The following CMIP variants were observed in gnomAD, a reference collection of about 807,000 sequenced individuals.
The protein encoded by CMIP is c-Maf inducing protein, also known as C-Maf-inducing protein.
In CMIP, 13 loss-of-function variants were observed where a neutral mutation model predicts 97.3. The ratio of observed to expected loss-of-function variants is 0.13; its 90% CI spans 0.09 to 0.21. The LOEUF (loss-of-function observed/expected upper bound fraction) is 0.21, where lower values mean the gene tolerates loss of function less well. Ranked by LOEUF, CMIP falls within the 10% of genes least tolerant of loss-of-function variation. CMIP has a pLI of 1.00. For missense variants in CMIP, 847 were observed against 1,024.9 expected, an observed-to-expected ratio of 0.83 and a Z score of 2.37; for synonymous variants, 538 against 436.3, an observed-to-expected ratio of 1.23 and a Z score of -2.91.
At chr16:81,546,882 T>A (rs1342181710) in intron 1 of CMIP, among the ~76,000 whole-genome samples, 2 of 152,176 alleles carry the variant, frequency 1.3e-5, no homozygotes, top group Non-Finnish European at 2.9e-5. Flanking sequence ...CACACTTCAG[T>A]GCTCCGTAGC....
chr16:81,633,427 G>A (rs971819609), intron 3 of CMIP, among the ~76,000 whole-genome samples: 5 of 152,240 alleles, frequency 3.3e-5, no homozygotes, highest in African/African-American at 1.2e-4. Context: ...AAAAAGAGCA[G>A]TGCTTGTCCC....
At chr16:81,551,895 A>G (rs563859889) in intron 1 of CMIP, among the ~76,000 whole-genome samples, 1 of 151,704 alleles carries the variant, frequency 6.6e-6, no homozygotes, top group Admixed American at 6.6e-5. Context: ...TGTGACAAAG[A>G]CTCCCCGGTC....
intron 1 of CMIP, chr16:81,476,325 A>G: frequency 6.7e-7 from 1 of 1,494,666 alleles, no homozygotes; most frequent in Non-Finnish European, 9.3e-7. Context: ...GTGTGAAGTC[A>G]CCACCCTGAT....
intron 1 of CMIP, among the ~76,000 whole-genome samples, chr16:81,595,387 CTTTT>C (rs747169672): frequency 1.5e-5 from 2 of 137,682 alleles, no homozygotes; most frequent in Non-Finnish European, 1.6e-5. Context: ...TTCCTTCTTT[CTTTT>C]TTTTTTTTTT....
intron 3 of CMIP, among the ~76,000 whole-genome samples, chr16:81,641,923 C>G (rs2092311185): frequency 6.6e-6 from 1 of 152,186 alleles, no homozygotes; most frequent in Non-Finnish European, 1.5e-5. Flanking sequence ...GACCTGGATC[C>G]CAATTCTGCC....
At chr16:81,701,432 CA>C (rs1181927503) in intron 15 of CMIP, among the ~76,000 whole-genome samples, 12 of 152,186 alleles carry the variant, frequency 7.9e-5, no homozygotes, top group African/African-American at 2.9e-4. Flanking sequence ...GGGAGACTCC[CA>C]TGTCCATTGA....
In CMIP at chr16:81,652,982, G is replaced by C. The variant is rs551664355; in HGVS notation, c.639+618G>C. ...AGCCCCCTACCCCCCTGGAGCTTGT[G>C]TCCCGGCAGGGGAGACAGGCAGTGA... is the stretch of plus-strand genomic sequence containing the variant. On this transcript the variant is annotated intron_variant, in intron 4 of 20. Transcript: ENST00000537098. The surrounding 1 kb of genome is among the most constrained non-coding windows in gnomAD (Gnocchi z 5.2). Among the ~76,000 whole-genome samples the C allele has an allele frequency of 1.1e-4, 16 of 152,262 alleles. No homozygotes were observed. Among genetic ancestry groups the C allele is most frequent in the African/African-American group, 3.9e-4 (16 of 41,550 alleles).
chr16:81,675,482 G>A (rs1369540180), intron 9 of CMIP, among the ~76,000 whole-genome samples: 5 of 151,564 alleles, frequency 3.3e-5, no homozygotes. Context: ...GCCTCCAGAA[G>A]TGCTGGGATT....
At chr16:81,693,384 C>A in intron 12 of CMIP, 55 bp from the exon 13 acceptor site, 1 of 1,586,822 alleles carries the variant, frequency 6.3e-7, no homozygotes, top group Non-Finnish European at 8.6e-7. Flanking sequence ...CCTTCCCACA[C>A]CTCCCACTCA....
chr16:81,596,954 G>C (rs1020169414), intron 1 of CMIP, among the ~76,000 whole-genome samples: 2 of 152,222 alleles, frequency 1.3e-5, no homozygotes, highest in African/African-American at 2.4e-5. Context: ...TGCTCAGTTT[G>C]TGTAGGTCAT....
chr16:81,581,502 A>G (rs1196381776), intron 1 of CMIP, among the ~76,000 whole-genome samples: 1 of 152,210 alleles, frequency 6.6e-6, no homozygotes, highest in Non-Finnish European at 1.5e-5. Flanking sequence ...CTAAACATAG[A>G]AAAGGCACAG....
chr16:81,476,458 G>C, intron 1 of CMIP: 1 of 860,348 alleles, frequency 1.2e-6, no homozygotes, highest in Non-Finnish European at 2.0e-6. Flanking sequence ...CAGCTCGAAG[G>C]AGATGCGGCC....
rs558484897 is a variant in CMIP, at chr16:81,642,971, CTGCCACAGCCGGA to C, written c.478-9229_478-9217del. ...AGTCATGGAAGGGGGTGAAGCAAAGCTGCCACAGCCGGATGAACCTTGAGGACGGTATGCTAAG... is the reference window on the plus strand; with the variant it reads ...AGTCATGGAAGGGGGTGAAGCAAAGCTGAACCTTGAGGACGGTATGCTAAG... On this transcript the variant is annotated intron_variant, in intron 3 of 20. Transcript: ENST00000537098. Among the ~76,000 whole-genome samples, 663 of 152,330 alleles carry C rather than the reference CTGCCACAGCCGGA, an allele frequency of 4.4e-3. 1 individual carries two copies. Among genetic ancestry groups the C allele is most frequent in the Non-Finnish European group, 6.9e-3 (470 of 68,038 alleles).
intron 14 of CMIP, 146 bp from the exon 15 acceptor site, chr16:81,699,538 TG>T: frequency 1.7e-6 from 1 of 599,008 alleles, no homozygotes. Context: ...TGCATCCCCC[TG>T]GGGCCTGGTG....
intron 1 of CMIP, among the ~76,000 whole-genome samples, chr16:81,503,996 G>A (rs1350629268): frequency 6.6e-6 from 1 of 152,228 alleles, no homozygotes; most frequent in Non-Finnish European, 1.5e-5. Flanking sequence ...GAGAGGTGAG[G>A]CTTGGGAAGG....
At chr16:81,586,358 A>G (rs9929106) in intron 1 of CMIP, among the ~76,000 whole-genome samples, 40,247 of 152,088 alleles carry the variant, frequency 0.26, 8,128 homozygotes, top group African/African-American at 0.57. Flanking sequence ...TGCTATTATC[A>G]TCGAAACAGC....
chr16:81,593,539 C>A (rs1230977098), intron 1 of CMIP, among the ~76,000 whole-genome samples: 1 of 152,258 alleles, frequency 6.6e-6, no homozygotes, highest in Non-Finnish European at 1.5e-5. Context: ...CGGAGCTTTC[C>A]TCTCCGCTCT....
At chr16:81,649,229 T>A (rs1296285911) in intron 3 of CMIP, among the ~76,000 whole-genome samples, 1 of 152,268 alleles carries the variant, frequency 6.6e-6, no homozygotes, top group Admixed American at 6.5e-5. Context: ...TGGCTCTGAA[T>A]ACAGCCTCTG....
At chr16:81,696,243 G>C (rs893934763) in intron 13 of CMIP, 3 of 442,824 alleles carry the variant, frequency 6.8e-6, no homozygotes, top group Non-Finnish European at 1.2e-5. Context: ...GTGGGCGGTT[G>C]CTCTGGGCAT....
Sources: allele counts gnomAD v4.1 joint callset (sites outside exome capture counted in the v4.1 genomes callset), GRCh38; gene constraint gnomAD v4.1.1; non-coding constraint Gnocchi (gnomAD v3.1); transcripts MANE v1.5; gene names NCBI Gene and HGNC (gene_info 2026-07-23, HGNC 2026-07-21).